The following SGIP1 variants were observed in gnomAD, a reference collection of about 807,000 sequenced individuals.
SGIP1 encodes the protein SH3GL interacting endocytic adaptor 1, also known as SH3-containing GRB2-like protein 3-interacting protein 1.
A neutral mutation model predicts 107.5 loss-of-function variants in SGIP1; 38 were observed. That is an observed-to-expected ratio of 0.35 (90% CI 0.27 to 0.46). The LOEUF is 0.46. SGIP1 is among the 20% of genes least tolerant of loss of function. The pLI, the probability that SGIP1 is intolerant of heterozygous loss-of-function variation, is 1.00. For synonymous variants in SGIP1, 365 were observed against 366.1 expected (o/e 1.00, Z 0.03); for missense variants, 929 against 1,019.5 (o/e 0.91, Z 1.21).
At chr1:66,679,598 C>A in intron 13 of SGIP1, 80 bp from the exon 14 acceptor site, 1 of 1,440,408 alleles carries the variant, frequency 6.9e-7, no homozygotes, top group South Asian at 1.3e-5. Flanking sequence ...ACTGAAAGCC[C>A]AAATCCTGCT....
chr1:66,687,316 T>C (rs1446353146), intron 15 of SGIP1, among the ~76,000 whole-genome samples: 3 of 136,788 alleles, frequency 2.2e-5, no homozygotes, highest in Admixed American at 1.5e-4. Context: ...AAAAAAAATG[T>C]CCTGAGACTT....
chr1:66,544,676 G>A (rs1176872423), intron 1 of SGIP1, among the ~76,000 whole-genome samples: 1 of 152,110 alleles, frequency 6.6e-6, no homozygotes, highest in Non-Finnish European at 1.5e-5. Flanking sequence ...GCCACAGAGG[G>A]AGACTCTGTC....
intron 18 of SGIP1, among the ~76,000 whole-genome samples, chr1:66,711,231 T>C (rs1324915320): frequency 1.3e-5 from 2 of 152,196 alleles, no homozygotes; most frequent in East Asian, 1.9e-4. Context: ...ATGATTTCTC[T>C]GTTATTGACT....
intron 1 of SGIP1, among the ~76,000 whole-genome samples, chr1:66,557,614 G>A (rs187507522): frequency 6.6e-5 from 10 of 152,202 alleles, no homozygotes; most frequent in African/African-American, 2.4e-4. Context: ...CAATGGGATT[G>A]GGATAAATGT....
chr1:66,616,015 T>A (rs1050718115), intron 1 of SGIP1: 14 of 152,212 alleles, frequency 9.2e-5, no homozygotes, highest in African/African-American at 2.7e-4. Flanking sequence ...CAGATCACAA[T>A]GGAAAGACCA....
Position 66,682,135 on chromosome 1 carries a change from C to T in SGIP1, c.1081C>T (p.Pro361Ser), listed in dbSNP as rs939451667. Reference protein sequence around the residue: ...PLGPPGPTGPPGPPGPPRNVL... With the variant: ...PLGPPGPTGPSGPPGPPRNVL... Reference sequence around the variant, plus strand: ...CGGCCCCCCAGGTCCCACAGGCCCCCCAGGGCCTCCTGGGCCTCCTCGCAA... The same window carrying T: ...CGGCCCCCCAGGTCCCACAGGCCCCTCAGGGCCTCCTGGGCCTCCTCGCAA... The change falls in exon 15 of 25, where the codon CCA becomes TCA. Residue 361 changes from proline to serine, a missense_variant. Physicochemically the swap from Pro to Ser is moderately conservative, Grantham distance 74 (BLOSUM62 -1). This residue lies in a region of SGIP1 where 588 missense variants were observed against 588.6 expected (regional missense o/e 1.00). Transcript: ENST00000371037. The T allele has an allele frequency of 8.7e-6, 14 of 1,614,226 alleles. No individual in the cohort carries two copies. The highest frequency in any genetic ancestry group is 1.2e-5 in the Non-Finnish European group (14 of 1,180,026).
intron 3 of SGIP1, among the ~76,000 whole-genome samples, chr1:66,633,832 C>T (rs543947498): frequency 5.9e-5 from 9 of 152,104 alleles, no homozygotes; most frequent in Admixed American, 2.6e-4. Flanking sequence ...ACATTAGGCT[C>T]ATTGGGCTGG....
intron 1 of SGIP1, among the ~76,000 whole-genome samples, chr1:66,573,148 A>G (rs1300307521): frequency 1.3e-5 from 2 of 152,116 alleles, no homozygotes; most frequent in Admixed American, 6.6e-5. Context: ...TGATGGTTGC[A>G]CAAGTCTGTG....
chr1:66,672,149 T>C (rs1215187413), intron 11 of SGIP1, among the ~76,000 whole-genome samples, 154 bp downstream of exon 11: 3 of 152,130 alleles, frequency 2.0e-5, no homozygotes, highest in Non-Finnish European at 4.4e-5. Flanking sequence ...TCCAAATATG[T>C]TATTATTTTT....
chr1:66,718,810 C>T (rs2093379181), intron 18 of SGIP1, among the ~76,000 whole-genome samples: 1 of 151,700 alleles, frequency 6.6e-6, no homozygotes, highest in African/African-American at 2.4e-5. Flanking sequence ...AGTAACTGGG[C>T]TTTTTGAAAT....
chr1:66,634,998 T>G (rs772259299), intron 3 of SGIP1, among the ~76,000 whole-genome samples: 1 of 152,348 alleles, frequency 6.6e-6, no homozygotes, highest in Admixed American at 6.5e-5. Flanking sequence ...TTGGCTGATA[T>G]AGCTTTCAAA....
chr1:66,543,966 G>C (rs2055671561), intron 1 of SGIP1, among the ~76,000 whole-genome samples: 1 of 152,150 alleles, frequency 6.6e-6, no homozygotes, highest in Non-Finnish European at 1.5e-5. Context: ...CACAGTAAGA[G>C]ATTGGCAATA....
At chr1:66,625,779 C>T in intron 1 of SGIP1, 68 bp from the exon 2 acceptor site, 1 of 1,439,604 alleles carries the variant, frequency 6.9e-7, no homozygotes. Context: ...TGGTGTGTTA[C>T]AACCTTCAAA....
At chr1:66,630,262 T>C (rs1034432197) in intron 2 of SGIP1, among the ~76,000 whole-genome samples, 7 of 152,188 alleles carry the variant, frequency 4.6e-5, no homozygotes, top group Non-Finnish European at 8.8e-5. Context: ...GATCCCCTAC[T>C]GATATGACCT....
chr1:66,562,112 G>A (rs1489370252), intron 1 of SGIP1, among the ~76,000 whole-genome samples: 2 of 151,798 alleles, frequency 1.3e-5, no homozygotes, highest in African/African-American at 4.8e-5. Flanking sequence ...AAAAAATCTG[G>A]CTTTCATTCA....
chr1:66,626,537 G>A (rs2072827605), intron 2 of SGIP1, among the ~76,000 whole-genome samples: 1 of 152,216 alleles, frequency 6.6e-6, no homozygotes, highest in South Asian at 2.1e-4. Flanking sequence ...CTCTGAAAAT[G>A]TGCAATGACA....
rs1012236724 is a variant in SGIP1 at position 66,534,153 on chromosome 1, ATCT to A, written c.-201_-199del. On this transcript the variant is annotated 5_prime_UTR_variant, in exon 1 of 25. Transcript: ENST00000371037. ...GCCGTTCCTCTCCCTTTCTCTCAGCATCTTCTTGGTAGCCTGCCTGTAGGTGAA... is the reference window on the plus strand; with the variant it reads ...GCCGTTCCTCTCCCTTTCTCTCAGCATCTTGGTAGCCTGCCTGTAGGTGAA... 2 of 611,466 alleles carry A rather than the reference ATCT, an allele frequency of 3.3e-6. No individual in the cohort carries two copies. Among genetic ancestry groups the A allele is most frequent in the African/African-American group, 3.7e-5 (2 of 53,894 alleles). The allele number at this position is 611,466 out of a possible 1,614,324, so 37.9% of individuals were successfully genotyped here. A position where few individuals can be genotyped will look rare whatever the true frequency, so the allele number is the denominator to read the frequency against.
intron 1 of SGIP1, among the ~76,000 whole-genome samples, chr1:66,617,757 AG>A (rs1254253990): frequency 6.6e-6 from 1 of 152,242 alleles, no homozygotes; most frequent in African/African-American, 2.4e-5. Flanking sequence ...CAGTATATAA[AG>A]ATTTAAACAT....
intron 1 of SGIP1, among the ~76,000 whole-genome samples, chr1:66,585,101 C>A (rs1425086570): frequency 6.6e-6 from 1 of 152,212 alleles, no homozygotes; most frequent in Non-Finnish European, 1.5e-5. Context: ...TTTCTTCCCT[C>A]TGGGTCTATC....
Sources: gnomAD v4.1 joint callset for allele counts (sites outside exome capture counted in the v4.1 genomes callset) on GRCh38, gnomAD v4.1.1 for gene constraint, gnomAD v4.1.1 regional missense constraint, MANE v1.5 for transcripts, NCBI Gene and HGNC (gene_info 2026-07-23, HGNC 2026-07-21) for gene names.